Variants in HYCC1 observed in about 807,000 individuals in gnomAD.
HYCC1 encodes hyccin.
At chr7:22,904,592 A>G in the HYCC1 span, among the ~76,000 whole-genome samples, 1 of 152,038 alleles carries the variant, frequency 6.6e-6, no homozygotes, top group East Asian at 1.9e-4. Flanking sequence ...TATACAAGTC[A>G]CCATCTGTGT....
chr7:23,006,328 A>G, the HYCC1 span, among the ~76,000 whole-genome samples: 99,292 of 151,684 alleles, frequency 0.65, 32,485 homozygotes, highest in Non-Finnish European at 0.67. Flanking sequence ...GTGCAGTGGC[A>G]CAATCTTGGC....
At chr7:23,003,828 T>C in the HYCC1 span, among the ~76,000 whole-genome samples, 2 of 151,996 alleles carry the variant, frequency 1.3e-5, no homozygotes, top group Admixed American at 1.3e-4. Flanking sequence ...AATGAGAAAA[T>C]GTAAGTAAAC....
the HYCC1 span, among the ~76,000 whole-genome samples, chr7:22,981,972 A>G: frequency 6.6e-6 from 1 of 152,232 alleles, no homozygotes. Context: ...AATAAAAGGA[A>G]TGCTATAAAC....
chr7:22,911,673 G>C, the HYCC1 span, among the ~76,000 whole-genome samples: 1 of 152,110 alleles, frequency 6.6e-6, no homozygotes, highest in African/African-American at 2.4e-5. Context: ...CAGAAGAATC[G>C]CTTGAACCTG....
chr7:22,944,882 T>C, the HYCC1 span: 3 of 152,440 alleles, frequency 2.0e-5, no homozygotes, highest in South Asian at 2.1e-4. Context: ...AATCTGATTT[T>C]TGATATAAAA....
chr7:22,965,442 T>C, the HYCC1 span, among the ~76,000 whole-genome samples: 1 of 151,348 alleles, frequency 6.6e-6, no homozygotes, highest in Non-Finnish European at 1.5e-5. Context: ...ATTTTACTTT[T>C]TTTTTTTCAA....
At chr7:22,964,623 C>G in the HYCC1 span, 1 of 717,228 alleles carries the variant, frequency 1.4e-6, no homozygotes, top group Non-Finnish European at 2.5e-6. Context: ...ACTAGGTACA[C>G]TTTCATAACA....
the HYCC1 span, among the ~76,000 whole-genome samples, chr7:22,975,182 G>A: frequency 1.4e-4 from 21 of 147,858 alleles, no homozygotes; most frequent in African/African-American, 4.0e-4. Flanking sequence ...TTGAATTATC[G>A]AGGGGAATAA....
the HYCC1 span, among the ~76,000 whole-genome samples, chr7:22,905,660 T>G: frequency 6.6e-6 from 1 of 152,158 alleles, no homozygotes; most frequent in Non-Finnish European, 1.5e-5. Flanking sequence ...GTTTTTATTT[T>G]TATATAATTC....
chr7:23,001,953 C>T, the HYCC1 span, among the ~76,000 whole-genome samples: 1 of 150,878 alleles, frequency 6.6e-6, no homozygotes, highest in Non-Finnish European at 1.5e-5. Flanking sequence ...TTTAGTTTAC[C>T]CTACTTTCAG....
the HYCC1 span, chr7:23,014,051 G>A: frequency 8.5e-6 from 4 of 470,852 alleles, no homozygotes; most frequent in East Asian, 2.8e-4. Context: ...TAGCAGAACG[G>A]GTCCCGGTGA....
At chr7:22,910,778 T>A in the HYCC1 span, among the ~76,000 whole-genome samples, 27 of 152,144 alleles carry the variant, frequency 1.8e-4, no homozygotes, top group Non-Finnish European at 4.0e-4. Flanking sequence ...TTTTCCCGGT[T>A]TTTTTGGGGG....
the HYCC1 span, among the ~76,000 whole-genome samples, chr7:22,983,400 G>A: frequency 2.6e-5 from 4 of 151,888 alleles, no homozygotes; most frequent in African/African-American, 4.8e-5. Context: ...AGGAAAGACT[G>A]GGAAAGGCAC....
chr7:22,961,063 A>T, the HYCC1 span, among the ~76,000 whole-genome samples: 18 of 152,014 alleles, frequency 1.2e-4, no homozygotes, highest in Admixed American at 3.3e-4. Flanking sequence ...AAGAAAATTT[A>T]AAAAAAAATT....
At chr7:22,910,316 C>T in the HYCC1 span, among the ~76,000 whole-genome samples, 3 of 152,156 alleles carry the variant, frequency 2.0e-5, no homozygotes, top group Non-Finnish European at 2.9e-5. Flanking sequence ...TTAAAAAGAG[C>T]CTGGCATTGC....
chr7:22,900,766 C>A, the HYCC1 span, among the ~76,000 whole-genome samples: 1 of 151,946 alleles, frequency 6.6e-6, no homozygotes, highest in African/African-American at 2.4e-5. Context: ...TCAGCCATAT[C>A]AATAATTACA....
chr7:22,937,015 A>G, the HYCC1 span: 1 of 152,192 alleles, frequency 6.6e-6, no homozygotes. Context: ...AGGCTTAAGG[A>G]AAGAATAAAT....
the HYCC1 span, chr7:22,945,460 GGA>G: frequency 1.4e-6 from 1 of 730,304 alleles, no homozygotes; most frequent in Non-Finnish European, 2.5e-6. Context: ...TAAAGTCAGG[GGA>G]GCCTTCAGAA....
chr7:23,012,028 T>C, the HYCC1 span, among the ~76,000 whole-genome samples: 2 of 152,250 alleles, frequency 1.3e-5, no homozygotes, highest in Admixed American at 6.5e-5. Context: ...GTATGTTAGA[T>C]AGTAAATTCC....
Sources: allele counts gnomAD v4.1 joint callset (sites outside exome capture counted in the v4.1 genomes callset), GRCh38; gene constraint gnomAD v4.1.1; transcripts MANE v1.5; gene names NCBI Gene and HGNC (gene_info 2026-07-23, HGNC 2026-07-21).